The following HTR1D variants were observed in gnomAD, a reference collection of about 807,000 sequenced individuals.
HTR1D encodes the protein 5-HT-1D.
A neutral mutation model predicts 21.1 loss-of-function variants in HTR1D; 18 were observed. That is an observed-to-expected ratio of 0.85 (90% CI 0.59 to 1.27). HTR1D has a LOEUF of 1.27. HTR1D is among the 50% of genes most tolerant of loss of function. HTR1D has a pLI of 0.00. For missense variants in HTR1D, 456 were observed against 481.4 expected, an observed-to-expected ratio of 0.95 and a Z score of 0.49; for synonymous variants, 196 against 204.4, an observed-to-expected ratio of 0.96 and a Z score of 0.35.
intron 1 of HTR1D, among the ~76,000 whole-genome samples, chr1:23,197,615 G>A (rs182287095): frequency 6.5e-4 from 99 of 151,908 alleles, no homozygotes; most frequent in Admixed American, 2.0e-3. Flanking sequence ...CCAGCTACTC[G>A]GGAGGCTGAG....
chr1:23,200,490 A>G (rs968243710), intron 1 of HTR1D, among the ~76,000 whole-genome samples: 8 of 152,208 alleles, frequency 5.3e-5, no homozygotes, highest in Admixed American at 1.3e-4. Flanking sequence ...AACTGTCAAT[A>G]TCATGGAAAC....
chr1:23,214,104 G>A (rs1644764664), intron 1 of HTR1D, among the ~76,000 whole-genome samples: 1 of 152,160 alleles, frequency 6.6e-6, no homozygotes, highest in East Asian at 1.9e-4. Context: ...AGTAGGCCCT[G>A]GAGAAAGATC....
At chr1:23,196,418 T>C (rs1644689026) in intron 1 of HTR1D, among the ~76,000 whole-genome samples, 1 of 144,142 alleles carries the variant, frequency 6.9e-6, no homozygotes, top group African/African-American at 2.6e-5. Flanking sequence ...TACTCTAGCC[T>C]GGGCAACCAG....
At chr1:23,197,476 A>C (rs1644693171) in intron 1 of HTR1D, among the ~76,000 whole-genome samples, 1 of 152,202 alleles carries the variant, frequency 6.6e-6, no homozygotes, top group Non-Finnish European at 1.5e-5. Context: ...CACACCTGTA[A>C]TCCCAGCACT....
Position 23,217,495 on chromosome 1 carries a change from C to G in HTR1D, c.-987G>C, listed in dbSNP as rs1274203137. On this transcript the variant is annotated 5_prime_UTR_variant, in exon 1 of 2. Transcript: ENST00000374619. This position sits in a 1 kb window ranked among gnomAD's most constrained non-coding sequence, Gnocchi z 4.6. ...CCGCCTCTCCCAGAGCCCTGCGGCT[C>G]CTTCTCCGCGCTCCCCTTCCCGCGC... Among the ~76,000 whole-genome samples the G allele has an allele frequency of 6.6e-6, 1 of 152,060 alleles. No individual in the cohort carries two copies. The highest frequency in any genetic ancestry group is 1.5e-5 in the Non-Finnish European group (1 of 67,978).
At chr1:23,206,755 C>T (rs931614748) in intron 1 of HTR1D, among the ~76,000 whole-genome samples, 6 of 152,132 alleles carry the variant, frequency 3.9e-5, no homozygotes, top group Non-Finnish European at 7.4e-5. Flanking sequence ...TCCTGAGAGC[C>T]TGCCACCCTA....
chr1:23,211,050 C>G (rs1644751274), intron 1 of HTR1D, among the ~76,000 whole-genome samples: 1 of 152,188 alleles, frequency 6.6e-6, no homozygotes, highest in Non-Finnish European at 1.5e-5. Context: ...TATTCATCAT[C>G]TGCTTTTTCT....
At chr1:23,207,824 C>G (rs932518950) in intron 1 of HTR1D, among the ~76,000 whole-genome samples, 2 of 143,436 alleles carry the variant, frequency 1.4e-5, no homozygotes, top group Admixed American at 1.5e-4. Context: ...TACAGTGGTG[C>G]GATCTCAGCT....
At chr1:23,212,996 T>C (rs1644759610) in intron 1 of HTR1D, among the ~76,000 whole-genome samples, 1 of 152,060 alleles carries the variant, frequency 6.6e-6, no homozygotes. Flanking sequence ...CCAGCTAATT[T>C]CTGTATTTTT....
At chr1:23,212,971 T>C (rs1224966637) in intron 1 of HTR1D, among the ~76,000 whole-genome samples, 2 of 151,936 alleles carry the variant, frequency 1.3e-5, no homozygotes, top group African/African-American at 4.8e-5. Flanking sequence ...GGATTACAGG[T>C]GCATGCCACC....
chr1:23,198,026 G>A (rs1448794538), intron 1 of HTR1D, among the ~76,000 whole-genome samples: 1 of 151,396 alleles, frequency 6.6e-6, no homozygotes, highest in East Asian at 1.9e-4. Flanking sequence ...TTGAGCCCAG[G>A]AGTTCAAGAT....
intron 1 of HTR1D, among the ~76,000 whole-genome samples, chr1:23,200,240 G>C (rs186649554): frequency 2.0e-5 from 3 of 152,308 alleles, no homozygotes; most frequent in Non-Finnish European, 4.4e-5. Flanking sequence ...TGTCCGAAAG[G>C]AGTATTGAGT....
At chr1:23,203,770 A>G (rs1240714163) in intron 1 of HTR1D, among the ~76,000 whole-genome samples, 1 of 152,236 alleles carries the variant, frequency 6.6e-6, no homozygotes, top group Non-Finnish European at 1.5e-5. Flanking sequence ...GTGTACGTCC[A>G]CCAAAAGATA....
intron 1 of HTR1D, among the ~76,000 whole-genome samples, chr1:23,209,986 A>G (rs1421043229): frequency 6.6e-6 from 1 of 152,148 alleles, no homozygotes. Context: ...AGGGGAAGGA[A>G]GTGGTGACTG....
chr1:23,205,985 C>T (rs1322483651), intron 1 of HTR1D, among the ~76,000 whole-genome samples: 1 of 152,150 alleles, frequency 6.6e-6, no homozygotes, highest in East Asian at 1.9e-4. Flanking sequence ...AATGGTCTCC[C>T]AGCCTCTACC....
chr1:23,206,869 C>A (rs189309416), intron 1 of HTR1D, among the ~76,000 whole-genome samples: 1 of 152,272 alleles, frequency 6.6e-6, no homozygotes, highest in Non-Finnish European at 1.5e-5. Context: ...GGGATCCATA[C>A]CTGTCTATGA....
At position 23,194,139 on chromosome 1, in the gene HTR1D, C is replaced by G; in HGVS notation, c.81G>C (p.Glu27Asp). 6.2e-7 allele frequency: 1 copy of G among 1,614,114 alleles called. No individual in the cohort carries two copies. Among genetic ancestry groups the G allele is most frequent in the African/African-American group, 1.3e-5 (1 of 75,010 alleles). Residue 27 changes from glutamate to aspartate, a missense_variant, in exon 2 of 2, where the codon GAG becomes GAC. Glu to Asp is a conservative substitution (Grantham distance 45). Transcript: ENST00000374619. ...NRSLNATETS[E>D]AWDPRTLQAL... ...CCTGGAGGGTCCTGGGATCCCAAGC[C>G]TCTGAGGTTTCTGTGGCATTCAGGG...
At chr1:23,204,933 A>G (rs943145366) in intron 1 of HTR1D, among the ~76,000 whole-genome samples, 1 of 152,236 alleles carries the variant, frequency 6.6e-6, no homozygotes, top group Admixed American at 6.5e-5. Context: ...TACAAAAAAG[A>G]TACTTGCACA....
At chr1:23,207,887 G>A (rs1298294801) in intron 1 of HTR1D, among the ~76,000 whole-genome samples, 1 of 150,580 alleles carries the variant, frequency 6.6e-6, no homozygotes, top group Non-Finnish European at 1.5e-5. Flanking sequence ...TTAGCCTCCT[G>A]AGTAACTGGG....
Sources: allele counts gnomAD v4.1 joint callset (sites outside exome capture counted in the v4.1 genomes callset), GRCh38; gene constraint gnomAD v4.1.1; non-coding constraint Gnocchi (gnomAD v3.1); transcripts MANE v1.5; gene names NCBI Gene and HGNC (gene_info 2026-07-23, HGNC 2026-07-21).